The following ARB2A variants were observed in gnomAD, a reference collection of about 807,000 sequenced individuals.
ARB2A encodes cotranscriptional regulator ARB2A.
chr5:93,974,192 G>C, the ARB2A span, among the ~76,000 whole-genome samples: 13,883 of 152,082 alleles, frequency 0.091, 797 homozygotes, highest in Middle Eastern at 0.16. Flanking sequence ...TCAAAGTAAA[G>C]ATCTATCTAT....
chr5:93,743,470 C>G, the ARB2A span: 6 of 885,126 alleles, frequency 6.8e-6, no homozygotes, highest in Non-Finnish European at 8.1e-6. Flanking sequence ...TAAAAAACAG[C>G]TTGCAATATA....
the ARB2A span, chr5:93,683,364 C>T: frequency 6.2e-7 from 1 of 1,603,496 alleles, no homozygotes; most frequent in Non-Finnish European, 8.5e-7. Context: ...TCTTCCTCCA[C>T]AGCTACTAAG....
the ARB2A span, among the ~76,000 whole-genome samples, chr5:93,909,568 T>C: frequency 6.6e-6 from 1 of 150,970 alleles, no homozygotes; most frequent in Non-Finnish European, 1.5e-5. Flanking sequence ...CTCTGCCCCC[T>C]GCTGCCCATA....
chr5:93,712,217 G>A, the ARB2A span, among the ~76,000 whole-genome samples: 1 of 152,092 alleles, frequency 6.6e-6, no homozygotes, highest in Admixed American at 6.5e-5. Context: ...TTATCTAGGA[G>A]CTGACCTAAA....
chr5:93,824,329 CAATTA>C, the ARB2A span: 1 of 1,220,856 alleles, frequency 8.2e-7, no homozygotes, highest in Non-Finnish European at 1.1e-6. Context: ...TAGCAAACAA[CAATTA>C]AATTATATGC....
the ARB2A span, among the ~76,000 whole-genome samples, chr5:93,669,393 T>C: frequency 2.6e-5 from 4 of 152,208 alleles, no homozygotes; most frequent in African/African-American, 7.2e-5. Context: ...GTCTTCTTCA[T>C]ACCTGACTGA....
At chr5:94,060,203 A>T in the ARB2A span, among the ~76,000 whole-genome samples, 150,288 of 152,208 alleles carry the variant, frequency 0.99, 74,200 homozygotes, top group East Asian at 1. Flanking sequence ...AAATACAAAA[A>T]TAGTCATGTG....
the ARB2A span, among the ~76,000 whole-genome samples, chr5:93,666,398 T>G: frequency 1.3e-5 from 2 of 152,050 alleles, no homozygotes; most frequent in Non-Finnish European, 2.9e-5. Flanking sequence ...TTTTATGCCA[T>G]GGAACTTGTG....
the ARB2A span, among the ~76,000 whole-genome samples, chr5:93,760,524 A>C: frequency 1.3e-5 from 2 of 152,252 alleles, no homozygotes; most frequent in African/African-American, 2.4e-5. Context: ...ACAGTCACCA[A>C]AACAGTGTGG....
chr5:94,035,049 T>C, the ARB2A span, among the ~76,000 whole-genome samples: 1 of 152,094 alleles, frequency 6.6e-6, no homozygotes, highest in Admixed American at 6.5e-5. Context: ...CTGTCTTCCA[T>C]GAAACCAGTC....
chr5:94,054,115 G>A, the ARB2A span, among the ~76,000 whole-genome samples: 4 of 152,260 alleles, frequency 2.6e-5, no homozygotes, highest in South Asian at 2.1e-4. Flanking sequence ...AAGACAGTAC[G>A]AAGAGTGTGT....
chr5:93,756,607 C>A, the ARB2A span, among the ~76,000 whole-genome samples: 1 of 152,110 alleles, frequency 6.6e-6, no homozygotes. Context: ...GGTGGTTATA[C>A]CCAGCAGAGA....
At chr5:93,800,091 A>T in the ARB2A span, among the ~76,000 whole-genome samples, 1 of 152,112 alleles carries the variant, frequency 6.6e-6, no homozygotes, top group Non-Finnish European at 1.5e-5. Context: ...AAAATTTTAA[A>T]TAATTTCTAA....
the ARB2A span, chr5:93,683,215 A>G: frequency 1.5e-6 from 2 of 1,363,680 alleles, no homozygotes; most frequent in East Asian, 4.6e-5. Context: ...CATCCTCTTC[A>G]TCATCATCGT....
At chr5:93,666,075 T>C in the ARB2A span, among the ~76,000 whole-genome samples, 1 of 152,146 alleles carries the variant, frequency 6.6e-6, no homozygotes, top group African/African-American at 2.4e-5. Context: ...GAATATTTAG[T>C]TTGAAAACAG....
chr5:94,005,178 A>T, the ARB2A span, among the ~76,000 whole-genome samples: 8 of 151,780 alleles, frequency 5.3e-5, no homozygotes, highest in South Asian at 2.1e-4. Flanking sequence ...GGAAGACTCA[A>T]ATTTTTTGCC....
At chr5:93,851,901 C>T in the ARB2A span, among the ~76,000 whole-genome samples, 1 of 152,132 alleles carries the variant, frequency 6.6e-6, no homozygotes, top group Non-Finnish European at 1.5e-5. Context: ...GTGAATAGTG[C>T]CGCAATAAAC....
At chr5:93,854,739 T>A in the ARB2A span, among the ~76,000 whole-genome samples, 1 of 152,190 alleles carries the variant, frequency 6.6e-6, no homozygotes, top group African/African-American at 2.4e-5. Flanking sequence ...CAGGAGCAGG[T>A]TGTTCAGTTT....
At chr5:93,651,417 T>C in the ARB2A span, among the ~76,000 whole-genome samples, 1 of 152,182 alleles carries the variant, frequency 6.6e-6, no homozygotes, top group African/African-American at 2.4e-5. Flanking sequence ...ATTATAGGTG[T>C]AAGCCACTGT....
Sources: allele counts gnomAD v4.1 joint callset (sites outside exome capture counted in the v4.1 genomes callset), GRCh38; gene constraint gnomAD v4.1.1; transcripts MANE v1.5; gene names NCBI Gene and HGNC (gene_info 2026-07-23, HGNC 2026-07-21).